The following TNR variants were observed in gnomAD, a reference collection of about 807,000 sequenced individuals.
TNR encodes tenascin-R.
In TNR, 45 loss-of-function variants were observed where a neutral mutation model predicts 150.4. The ratio of observed to expected loss-of-function variants is 0.30; its 90% confidence interval spans 0.24 to 0.38. The LOEUF (loss-of-function observed/expected upper bound fraction) is 0.38. TNR is among the 10% of genes least tolerant of loss of function. The pLI is 1.00. For missense variants in TNR, 1,544 were observed against 1,759.1 expected, an observed-to-expected ratio of 0.88 and a Z score of 2.19; for synonymous variants, 687 against 678.4, an observed-to-expected ratio of 1.01 and a Z score of -0.20.
chr1:175,564,993 A>G (rs946814448), intron 1 of TNR, among the ~76,000 whole-genome samples: 2 of 152,264 alleles, frequency 1.3e-5, no homozygotes, highest in African/African-American at 4.8e-5. Flanking sequence ...AAAGGCAGGA[A>G]TGCCCAAGGG....
At chr1:175,491,801 C>G (rs962616820) in intron 2 of TNR, among the ~76,000 whole-genome samples, 1 of 152,056 alleles carries the variant, frequency 6.6e-6, no homozygotes, top group Non-Finnish European at 1.5e-5. Flanking sequence ...AGGCACCCAC[C>G]ACCACACCCG....
chr1:175,511,093 C>T (rs529921128), intron 2 of TNR, among the ~76,000 whole-genome samples: 2 of 152,310 alleles, frequency 1.3e-5, no homozygotes, highest in African/African-American at 4.8e-5. Context: ...GCCAACAGAA[C>T]CAGAGTGTGG....
At position 175,366,059 on chromosome 1, in the gene TNR, G is replaced by C. The variant is rs752164620; in HGVS notation, c.2133C>G (p.Gly711=). 4 of 1,613,962 alleles carry C rather than the reference G, an allele frequency of 2.5e-6. No homozygotes were observed. Among genetic ancestry groups the C allele is most frequent in the Non-Finnish European group, 2.5e-6 (3 of 1,179,954 alleles). Residue 711 remains glycine, a synonymous_variant, in exon 11 of 23, where the codon GGC becomes GGG. Transcript: ENST00000367674. ...SISLIWTKAS[G]PIDHYRITFT... is the part of the protein sequence containing the mutation. ...AGGTAATTCGGTAGTGGTCAATGGG[G>C]CCACTGGCCTTGGTCCAGATGAGGG...
Position 175,656,141 on chromosome 1 carries a change from AGTGTGTGTGTGT to A in TNR, c.-165+87073_-165+87084del, listed in dbSNP as rs575020723. Among the ~76,000 whole-genome samples, 831 of 123,928 alleles carry A rather than the reference AGTGTGTGTGTGT, an allele frequency of 6.7e-3. 10 individuals are homozygous for A. The highest frequency in any genetic ancestry group is 0.015 in the African/African-American group (481 of 32,850). The allele number at this position is 123,928 out of a possible 152,430, so 81.3% of individuals were successfully genotyped here. A position where few individuals can be genotyped will look rare whatever the true frequency, so the allele number is the denominator to read the frequency against. ...AGGGGAAGACGGGGAGGAAGGTTGA[AGTGTGTGTGTGT>A]GTGTGTGTGTGTGTGTGTGTGTGTG... On this transcript the variant is annotated intron_variant, in intron 1 of 22. Coordinates refer to ENST00000367674, the MANE Select transcript of TNR (RefSeq NM_003285.3).
At chr1:175,409,052 C>T (rs1270743325) in intron 2 of TNR, among the ~76,000 whole-genome samples, 1 of 152,198 alleles carries the variant, frequency 6.6e-6, no homozygotes, top group Non-Finnish European at 1.5e-5. Flanking sequence ...GCTCCTAAAG[C>T]CGCCTCTCAT....
At chr1:175,650,235 T>C (rs186923790) in intron 1 of TNR, among the ~76,000 whole-genome samples, 1 of 151,920 alleles carries the variant, frequency 6.6e-6, no homozygotes, top group Admixed American at 6.6e-5. Flanking sequence ...ATACAAAAAT[T>C]AGCTGAGTGT....
At chr1:175,441,844 G>T (rs1399956340) in intron 2 of TNR, among the ~76,000 whole-genome samples, 2 of 152,316 alleles carry the variant, frequency 1.3e-5, no homozygotes, top group Non-Finnish European at 2.9e-5. Flanking sequence ...AGAAGAACAT[G>T]AGGAAAGGCT....
chr1:175,396,424 A>C (rs1653427053), intron 5 of TNR, 120 bp downstream of exon 5: 1 of 1,309,412 alleles, frequency 7.6e-7, no homozygotes, highest in Non-Finnish European at 1.0e-6. Context: ...CCTTCCCCTC[A>C]AGGGCAATAA....
chr1:175,569,245 T>A (rs1262375713), intron 1 of TNR, among the ~76,000 whole-genome samples: 2 of 152,202 alleles, frequency 1.3e-5, no homozygotes, highest in Non-Finnish European at 1.5e-5. Context: ...GATAAAGACA[T>A]CTGCAGACAG....
chr1:175,573,771 C>T (rs1301304920), intron 1 of TNR, among the ~76,000 whole-genome samples: 2 of 152,122 alleles, frequency 1.3e-5, no homozygotes, highest in Non-Finnish European at 2.9e-5. Context: ...AATGCATACT[C>T]CTGGCCGTAG....
Position 175,449,010 on chromosome 1 carries a change from G to A in TNR, c.-63-42233C>T, listed in dbSNP as rs1371438406. On this transcript the variant is annotated intron_variant, in intron 2 of 22. Transcript: ENST00000367674. ...CACGATTATTTTTCTGTAGGTCCTGGCATCTGACCCAAGTATCAGCCTACC... is the reference window on the plus strand; with the variant it reads ...CACGATTATTTTTCTGTAGGTCCTGACATCTGACCCAAGTATCAGCCTACC... Among the ~76,000 whole-genome samples, 10 of 152,298 alleles carry A rather than the reference G, an allele frequency of 6.6e-5. No individual in the cohort carries two copies. The East Asian group carries it at 1.4e-3, about 21-fold the overall frequency.
intron 2 of TNR, among the ~76,000 whole-genome samples, chr1:175,442,447 A>G (rs952087377): frequency 5.3e-5 from 8 of 151,956 alleles, no homozygotes; most frequent in African/African-American, 1.9e-4. Context: ...GGCTTGAAGC[A>G]TTTATGTTCA....
At position 175,333,115 on chromosome 1, in the gene TNR, G is replaced by T. The variant is rs75113315; in HGVS notation, c.3631+2596C>A. 4.1e-3 allele frequency among the ~76,000 whole-genome samples: 625 copies of T among 152,162 alleles called. 3 individuals carry two copies. Among genetic ancestry groups the T allele is most frequent in the African/African-American group, 0.015 (613 of 41,482 alleles). On this transcript the variant is annotated intron_variant, in intron 20 of 22. Transcript: ENST00000367674. The stretch of plus-strand genomic sequence containing the variant: ...CCACCACCACTGCCAGCAACAACAG[G>T]CTTGGAGTCCCTGTATTTAACTCTC...
chr1:175,466,327 T>C (rs1657033834), intron 2 of TNR, among the ~76,000 whole-genome samples: 1 of 152,184 alleles, frequency 6.6e-6, no homozygotes, highest in Non-Finnish European at 1.5e-5. Context: ...TCAATTTGTC[T>C]CTCAGAGTCC....
At chr1:175,379,765 C>T (rs375675702) in intron 8 of TNR, 28 bp from the exon 9 acceptor site, 34 of 1,610,588 alleles carry the variant, frequency 2.1e-5, no homozygotes, top group Non-Finnish European at 2.6e-5. Context: ...TCACCAACAT[C>T]GCACATGATA....
intron 1 of TNR, among the ~76,000 whole-genome samples, chr1:175,590,000 A>T (rs1012966972): frequency 1.3e-5 from 2 of 151,808 alleles, no homozygotes; most frequent in African/African-American, 4.9e-5. Context: ...GTATAATAAT[A>T]ATAAAAAAAA....
chr1:175,438,153 A>G (rs967895841), intron 2 of TNR, among the ~76,000 whole-genome samples: 2 of 152,248 alleles, frequency 1.3e-5, no homozygotes, highest in Non-Finnish European at 2.9e-5. Flanking sequence ...AATAGAATCC[A>G]GCATCACATC....
At chr1:175,541,630 G>GA (rs562972314) in intron 1 of TNR, among the ~76,000 whole-genome samples, 3 of 150,614 alleles carry the variant, frequency 2.0e-5, no homozygotes, top group East Asian at 1.9e-4. Flanking sequence ...ATCTGGGGCT[G>GA]AAAAAAAAAG....
chr1:175,658,354 A>G (rs887598082), intron 1 of TNR, among the ~76,000 whole-genome samples: 19 of 152,330 alleles, frequency 1.2e-4, no homozygotes, highest in African/African-American at 4.6e-4. Flanking sequence ...ACCCTGCTGC[A>G]TGAAAGGTGG....
Sources: gnomAD v4.1 joint callset for allele counts (sites outside exome capture counted in the v4.1 genomes callset) on GRCh38, gnomAD v4.1.1 for gene constraint, MANE v1.5 for transcripts, NCBI Gene and HGNC (gene_info 2026-07-23, HGNC 2026-07-21) for gene names.